IQSEC1: variants seen among roughly 807,000 people sequenced by gnomAD.
IQSEC1 encodes IQ motif and SEC7 domain-containing protein 1.
Under a neutral mutation model 91.0 loss-of-function variants are expected in IQSEC1, and 31 were observed. The ratio of observed to expected loss-of-function variants is 0.34; its 90% confidence interval spans 0.26 to 0.46. The LOEUF is 0.46. IQSEC1 is among the 20% of genes least tolerant of loss of function. IQSEC1 has a pLI of 1.00. For missense variants in IQSEC1, 1,388 were observed against 1,575.6 expected, an observed-to-expected ratio of 0.88 and a Z score of 2.02; for synonymous variants, 699 against 662.6, an observed-to-expected ratio of 1.05 and a Z score of -0.84.
intron 1 of IQSEC1, among the ~76,000 whole-genome samples, chr3:13,024,801 C>T (rs1264657348): frequency 1.3e-5 from 2 of 152,218 alleles, no homozygotes; most frequent in African/African-American, 4.8e-5. Context: ...TCTGTCTTTG[C>T]CATCCTCGGG....
At chr3:12,904,761 G>A (rs773232805) in intron 12 of IQSEC1, among the ~76,000 whole-genome samples, 1 of 152,188 alleles carries the variant, frequency 6.6e-6, no homozygotes, top group Non-Finnish European at 1.5e-5. Flanking sequence ...GGGCCAGAGG[G>A]GAGATGGCCT....
intron 1 of IQSEC1, among the ~76,000 whole-genome samples, chr3:13,260,604 C>G (rs1241946260): frequency 2.6e-5 from 4 of 152,184 alleles, no homozygotes; most frequent in East Asian, 3.9e-4. Context: ...AGCAGCACCC[C>G]TCACCGATGC....
Position 12,941,671 on chromosome 3 carries a change from G to A in IQSEC1, c.218C>T (p.Ser73Leu), listed in dbSNP as rs556945444. ...AGCCTGCTTGCGCAGGATGGAGGTC[G>A]AGTGCTGCAGCTTGGGCCTCCGCGT... The part of the protein sequence containing the change: ...QRTRRPKLQH[S>L]TSILRKQAEE... The change falls in exon 2 of 14, where the codon TCG (serine) becomes TTG (leucine). Residue 73 changes from serine (S) to leucine (L), a missense_variant. Ser to Leu is a moderately radical substitution (Grantham distance 145, BLOSUM62 -2). Around this residue, in one of 2 missense-constraint regions of IQSEC1, gnomAD observed 1,059 missense variants for 1,317.8 expected, o/e 0.80. Coordinates refer to ENST00000613206, the MANE Select transcript of IQSEC1 (RefSeq NM_001134382.3). 15 of 1,612,906 alleles carry A rather than the reference G, an allele frequency of 9.3e-6. No homozygotes were observed. Among genetic ancestry groups the A allele is most frequent in the Admixed American group, 3.3e-5 (2 of 59,972 alleles).
rs568008233 is a variant in IQSEC1, at chr3:13,135,036, C to T, written c.302+29068G>A. 1.4e-4 allele frequency among the ~76,000 whole-genome samples: 22 copies of T among 152,298 alleles called. No homozygotes were observed. In the East Asian group the frequency reaches 4.3e-3, roughly 29 times the overall value. ...GCCTGGTCAGGGTCAGAAGGAACTG[C>T]GTCGTGTTGTGGTAAGCACCGTGCA... On this transcript the variant is annotated intron_variant, in intron 2 of 15. Transcript: ENST00000648114.
chr3:13,185,312 C>A (rs1176599811), intron 1 of IQSEC1, among the ~76,000 whole-genome samples: 1 of 152,220 alleles, frequency 6.6e-6, no homozygotes, highest in Non-Finnish European at 1.5e-5. Flanking sequence ...AGGCTGCCTC[C>A]TCTGAGAAGT....
At chr3:13,090,900 C>T (rs1705848020) in intron 2 of IQSEC1, among the ~76,000 whole-genome samples, 1 of 152,174 alleles carries the variant, frequency 6.6e-6, no homozygotes. Context: ...ATCCACAGTT[C>T]CCTTGACCAA....
In IQSEC1 at chr3:13,216,478, A is replaced by T. The variant is rs150846431; in HGVS notation, c.273-52345T>A. Among the ~76,000 whole-genome samples the T allele has an allele frequency of 2.0e-4, 30 of 152,330 alleles. No individual in the cohort carries two copies. In the East Asian group the frequency reaches 5.2e-3, roughly 26 times the overall value. On this transcript the variant is annotated intron_variant, in intron 1 of 15. Coordinates refer to the IQSEC1 transcript ENST00000648114. ...GCCCCCCAGAGACACACCCAGGGCT[A>T]GCAGAGCGACGAGCTGTCCACTCCC... is the stretch of plus-strand genomic sequence containing the variant.
At chr3:13,148,155 G>A (rs1423868696) in intron 2 of IQSEC1, among the ~76,000 whole-genome samples, 1 of 152,130 alleles carries the variant, frequency 6.6e-6, no homozygotes, top group Non-Finnish European at 1.5e-5. Flanking sequence ...TAATGACCTT[G>A]GGTAGGCCAC....
chr3:12,903,578 A>C (rs1056285986), intron 12 of IQSEC1, among the ~76,000 whole-genome samples: 4 of 152,140 alleles, frequency 2.6e-5, no homozygotes, highest in African/African-American at 9.7e-5. Flanking sequence ...CACAGTAGGC[A>C]CTCGGCATGC....
At chr3:13,131,216 G>A (rs1175918377) in intron 2 of IQSEC1, among the ~76,000 whole-genome samples, 1 of 152,004 alleles carries the variant, frequency 6.6e-6, no homozygotes, top group Non-Finnish European at 1.5e-5. Flanking sequence ...ATTATGGAGT[G>A]ACCTTCTTTA....
chr3:13,150,825 CGT>C (rs1706984818), intron 2 of IQSEC1, among the ~76,000 whole-genome samples: 2 of 152,212 alleles, frequency 1.3e-5, no homozygotes, highest in African/African-American at 2.4e-5. Context: ...TGCTGTACTG[CGT>C]AAGACAGGGC....
chr3:13,177,731 G>A (rs1693762750), intron 1 of IQSEC1, among the ~76,000 whole-genome samples: 1 of 152,222 alleles, frequency 6.6e-6, no homozygotes, highest in South Asian at 2.1e-4. Flanking sequence ...CACCCACACT[G>A]CCTGTCCTGC....
At chr3:13,052,710 G>A (rs1483619481) in intron 1 of IQSEC1, among the ~76,000 whole-genome samples, 5 of 151,926 alleles carry the variant, frequency 3.3e-5, no homozygotes, top group Non-Finnish European at 4.4e-5. Flanking sequence ...GGCATTTCAC[G>A]TTGTCCCTTT....
intron 6 of IQSEC1, among the ~76,000 whole-genome samples, chr3:12,917,699 A>C (rs1236505279): frequency 6.6e-6 from 1 of 152,206 alleles, no homozygotes; most frequent in Non-Finnish European, 1.5e-5. Flanking sequence ...AGATGCTATA[A>C]GTATCCGTGT....
chr3:13,087,729 TACTC>T (rs759037247), intron 2 of IQSEC1, among the ~76,000 whole-genome samples: 4 of 152,202 alleles, frequency 2.6e-5, no homozygotes, highest in African/African-American at 4.8e-5. Flanking sequence ...ATAAATGTAT[TACTC>T]ACAGAGACTT....
intron 2 of IQSEC1, among the ~76,000 whole-genome samples, chr3:13,109,175 C>T (rs1426126283): frequency 6.6e-6 from 1 of 152,146 alleles, no homozygotes; most frequent in Non-Finnish European, 1.5e-5. Context: ...CGCAATGCTG[C>T]ATGGTGAAGG....
At chr3:12,914,615 T>G (rs1387206405) in intron 8 of IQSEC1, among the ~76,000 whole-genome samples, 2 of 152,054 alleles carry the variant, frequency 1.3e-5, no homozygotes, top group East Asian at 3.9e-4. Context: ...CTTTCAGGAC[T>G]GAGGGACAAA....
At chr3:13,232,868 T>C (rs1021779512) in intron 1 of IQSEC1, among the ~76,000 whole-genome samples, 9 of 152,142 alleles carry the variant, frequency 5.9e-5, no homozygotes, top group East Asian at 1.9e-4. Flanking sequence ...GAGGACACTA[T>C]GTGAAGCGAA....
At chr3:13,279,966 G>A (rs969329735) in intron 1 of IQSEC1, among the ~76,000 whole-genome samples, 1 of 152,150 alleles carries the variant, frequency 6.6e-6, no homozygotes, top group South Asian at 2.1e-4. Context: ...TGCTCAGTTG[G>A]CCCAAAAGAA....
Sources: gnomAD v4.1 joint callset for allele counts (sites outside exome capture counted in the v4.1 genomes callset) on GRCh38, gnomAD v4.1.1 for gene constraint, gnomAD v4.1.1 regional missense constraint, MANE v1.5 for transcripts, NCBI Gene and HGNC (gene_info 2026-07-23, HGNC 2026-07-21) for gene names.